Variants in DLG2 observed in about 807,000 individuals in gnomAD.
DLG2 encodes the protein discs large MAGUK scaffold protein 2, also known as disks large homolog 2.
DLG2 carries 45 observed loss-of-function variants against 132.5 expected under a neutral mutation model. The observed-to-expected ratio is 0.34, with a 90% CI of 0.27 to 0.44. The LOEUF (loss-of-function observed/expected upper bound fraction) is 0.44, where lower values mean the gene tolerates loss of function less well. Ranked by LOEUF, DLG2 falls within the 20% of genes least tolerant of loss-of-function variation. The pLI is 1.00. For missense variants in DLG2, 1,045 were observed against 1,196.9 expected (o/e 0.87, Z 1.87); for synonymous variants, 424 against 419.6 (o/e 1.01, Z -0.13).
At chr11:84,828,582 C>T (rs2078632277) in intron 6 of DLG2, among the ~76,000 whole-genome samples, 1 of 151,806 alleles carries the variant, frequency 6.6e-6, no homozygotes, top group South Asian at 2.1e-4. Flanking sequence ...CTATACTCAT[C>T]TCCTGTCATT....
chr11:84,089,480 A>G (rs533894466), intron 10 of DLG2, among the ~76,000 whole-genome samples: 219 of 152,268 alleles, frequency 1.4e-3, no homozygotes, highest in Non-Finnish European at 2.6e-3. Flanking sequence ...ACATTAATGA[A>G]AAAGCAAAAA....
intron 4 of DLG2, among the ~76,000 whole-genome samples, chr11:85,266,332 G>A (rs189968772): frequency 6.6e-6 from 1 of 152,344 alleles, no homozygotes; most frequent in Admixed American, 6.5e-5. Flanking sequence ...AAAGCAGCCA[G>A]CCATTCCCAT....
Position 84,772,327 on chromosome 11 carries a change from G to T in DLG2, c.358-237596C>A, listed in dbSNP as rs1173301205. ...ACTTCTAGACCTGTGAAAATACTTA[G>T]ACATCTGCAGAATAATAGGTAGGAT... On this transcript the variant is annotated intron_variant, in intron 6 of 27. Coordinates refer to ENST00000376104, the MANE Select transcript of DLG2 (RefSeq NM_001142699.3). 1.3e-5 allele frequency among the ~76,000 whole-genome samples: 2 copies of T among 152,024 alleles called. 1 individual carries two copies. Among genetic ancestry groups the T allele is most frequent in the South Asian group, 4.1e-4 (2 of 4,828 alleles).
intron 17 of DLG2, among the ~76,000 whole-genome samples, chr11:83,817,648 G>C (rs2153975266): frequency 6.6e-6 from 1 of 152,280 alleles, no homozygotes; most frequent in Non-Finnish European, 1.5e-5. Flanking sequence ...GCTGAGGTGG[G>C]AGGACTGCTT....
intron 19 of DLG2, among the ~76,000 whole-genome samples, chr11:83,596,794 C>T (rs1480303066): frequency 7.0e-6 from 1 of 142,424 alleles, no homozygotes; most frequent in African/African-American, 2.6e-5. Flanking sequence ...CATGCTCCTC[C>T]TGCTTATCAT....
At chr11:85,254,582 GA>G (rs1283025115) in intron 4 of DLG2, among the ~76,000 whole-genome samples, 1 of 152,172 alleles carries the variant, frequency 6.6e-6, no homozygotes, top group African/African-American at 2.4e-5. Flanking sequence ...AAAAAGTCAT[GA>G]AATGATAGTT....
intron 3 of DLG2, among the ~76,000 whole-genome samples, chr11:85,580,602 G>A (rs2078449369): frequency 6.6e-6 from 1 of 152,148 alleles, no homozygotes; most frequent in Non-Finnish European, 1.5e-5. Context: ...CTTATTAGGT[G>A]AATACTTTTA....
chr11:84,508,045 T>A (rs556516159), intron 7 of DLG2, among the ~76,000 whole-genome samples: 1 of 152,226 alleles, frequency 6.6e-6, no homozygotes, highest in Non-Finnish European at 1.5e-5. Context: ...AAATAATCCT[T>A]TTCAAAATAT....
chr11:84,043,217 A>T (rs918240485), intron 11 of DLG2, among the ~76,000 whole-genome samples: 4 of 151,526 alleles, frequency 2.6e-5, no homozygotes, highest in East Asian at 3.9e-4. Context: ...AATTTAAAAA[A>T]TTTATTGCTT....
chr11:85,560,860 C>T (rs2077195908), intron 3 of DLG2, among the ~76,000 whole-genome samples: 1 of 150,274 alleles, frequency 6.7e-6, no homozygotes, highest in Non-Finnish European at 1.5e-5. Flanking sequence ...AGTGAGATAT[C>T]GTCTCTACAA....
At chr11:83,595,530 C>T (rs1033882857) in intron 19 of DLG2, among the ~76,000 whole-genome samples, 2 of 152,190 alleles carry the variant, frequency 1.3e-5, no homozygotes, top group African/African-American at 2.4e-5. Context: ...GCACAAGTGG[C>T]TCTGTGACCA....
intron 16 of DLG2, among the ~76,000 whole-genome samples, chr11:83,835,527 G>A (rs1047621861): frequency 2.0e-5 from 3 of 152,170 alleles, no homozygotes; most frequent in African/African-American, 7.2e-5. Flanking sequence ...ATCCTAATAT[G>A]GAAGGGTGCC....
intron 3 of DLG2, among the ~76,000 whole-genome samples, chr11:85,595,811 G>A (rs2079714253): frequency 6.6e-6 from 1 of 152,062 alleles, no homozygotes; most frequent in Non-Finnish European, 1.5e-5. Context: ...ATTAATAAAT[G>A]TTACTTTTAT....
intron 6 of DLG2, among the ~76,000 whole-genome samples, chr11:84,594,950 A>T (rs1261485134): frequency 6.6e-6 from 1 of 152,262 alleles, no homozygotes; most frequent in Admixed American, 6.5e-5. Context: ...CTCAGCATTT[A>T]TATCAACTGC....
At chr11:85,055,179 T>G (rs1457981779) in intron 6 of DLG2, among the ~76,000 whole-genome samples, 1 of 152,110 alleles carries the variant, frequency 6.6e-6, no homozygotes, top group Non-Finnish European at 1.5e-5. Context: ...TATAAAAAAT[T>G]TCTGCATTAT....
intron 26 of DLG2, among the ~76,000 whole-genome samples, chr11:83,463,098 G>A (rs117771915): frequency 0.012 from 1,781 of 152,218 alleles, 17 homozygotes; most frequent in Middle Eastern, 0.027. Context: ...AATTCCTTTC[G>A]AGAGCAAGTA....
intron 8 of DLG2, among the ~76,000 whole-genome samples, chr11:84,194,943 G>A (rs1211503949): frequency 6.6e-6 from 1 of 152,266 alleles, no homozygotes; most frequent in Admixed American, 6.5e-5. Flanking sequence ...GCCGCGTGCA[G>A]CCTCGGTTCT....
chr11:85,112,770 T>G (rs1480360989), intron 5 of DLG2, among the ~76,000 whole-genome samples: 1 of 152,102 alleles, frequency 6.6e-6, no homozygotes, highest in East Asian at 1.9e-4. Flanking sequence ...TCTCTGAGAT[T>G]GCAGCAAGAC....
chr11:85,392,016 T>C (rs755591542), intron 3 of DLG2, among the ~76,000 whole-genome samples: 1 of 152,108 alleles, frequency 6.6e-6, no homozygotes, highest in Non-Finnish European at 1.5e-5. Context: ...TTACTGATGA[T>C]GTGATTACAT....
Sources: gnomAD v4.1 joint callset for allele counts (sites outside exome capture counted in the v4.1 genomes callset) on GRCh38, gnomAD v4.1.1 for gene constraint, MANE v1.5 for transcripts, NCBI Gene and HGNC (gene_info 2026-07-23, HGNC 2026-07-21) for gene names.